UGT1A9: variants seen among roughly 807,000 people sequenced by gnomAD.
The protein encoded by UGT1A9 is UDP glucuronosyltransferase family 1 member A9, also known as UDP-glucuronosyltransferase 1A9.
Under a neutral mutation model 45.0 loss-of-function variants are expected in UGT1A9, and 35 were observed. The ratio of observed to expected loss-of-function variants is 0.78; its 90% CI spans 0.59 to 1.03. The LOEUF (loss-of-function observed/expected upper bound fraction) is 1.03, where lower values mean the gene tolerates loss of function less well. Ranked by LOEUF, UGT1A9 falls within the 50% of genes least tolerant of loss-of-function variation. UGT1A9 has a pLI of 0.00. For missense variants in UGT1A9, 687 were observed against 666.6 expected (o/e 1.03, Z -0.34); for synonymous variants, 278 against 250.6 (o/e 1.11, Z -1.03).
intron 1 of UGT1A9, chr2:233,690,798 C>T (rs1295946330): frequency 9.1e-7 from 1 of 1,097,034 alleles, no homozygotes; most frequent in South Asian, 2.3e-5. Context: ...CACACACACA[C>T]ACCATTCTTA....
intron 1 of UGT1A9, among the ~76,000 whole-genome samples, chr2:233,694,053 G>C (rs1403841501): frequency 6.6e-6 from 1 of 152,180 alleles, no homozygotes; most frequent in Admixed American, 6.5e-5. Context: ...AGAGGCATTC[G>C]GATGAAGACA....
At chr2:233,685,191 A>G (rs186817680) in intron 1 of UGT1A9, among the ~76,000 whole-genome samples, 6 of 152,148 alleles carry the variant, frequency 3.9e-5, no homozygotes, top group African/African-American at 1.4e-4. Flanking sequence ...AGAACATTAA[A>G]ACGGTTTTGT....
rs1040596623 is a variant in UGT1A9, at chr2:233,743,965, G to C, written c.856-23069G>C. ...CAGGCACTGGCACAGCGAGCGGCAA[G>C]GCTGCCAGCACCCAGGCGCAGGCCC... On this transcript the variant is annotated intron_variant, in intron 1 of 4. Transcript: ENST00000354728. 3 of 1,330,116 alleles carry C rather than the reference G, an allele frequency of 2.3e-6. No homozygotes were observed. The African/African-American group carries it at 4.5e-5, about 20-fold the overall frequency. 82.4% of individuals were successfully genotyped at this position (1,330,116 alleles called of 1,614,324 possible). A position where few individuals can be genotyped will look rare whatever the true frequency, so the allele number is the denominator to read the frequency against.
chr2:233,753,217 G>T (rs1387240791), intron 1 of UGT1A9: 10 of 152,116 alleles, frequency 6.6e-5, no homozygotes, highest in Admixed American at 6.5e-4. Flanking sequence ...GTCTTATTTT[G>T]ATACTTCTTG....
intron 1 of UGT1A9, chr2:233,693,024 C>T (rs866045701): frequency 1.2e-6 from 2 of 1,614,158 alleles, no homozygotes; most frequent in Non-Finnish European, 1.7e-6. Context: ...CTCCTTCGCT[C>T]ATTTCAGAGA....
chr2:233,738,197 T>A (rs1427013274), intron 1 of UGT1A9, among the ~76,000 whole-genome samples: 18 of 152,174 alleles, frequency 1.2e-4, no homozygotes, highest in Admixed American at 1.2e-3. Flanking sequence ...TGCCTCTCTC[T>A]CACTTTCTGC....
At chr2:233,753,773 C>G (rs1417094785) in intron 1 of UGT1A9, 1 of 152,234 alleles carries the variant, frequency 6.6e-6, no homozygotes, top group East Asian at 1.9e-4. Flanking sequence ...TTTGGAAACG[C>G]TTTTCTTTAC....
intron 1 of UGT1A9, among the ~76,000 whole-genome samples, chr2:233,701,179 T>C (rs961391364): frequency 6.6e-6 from 1 of 152,222 alleles, no homozygotes; most frequent in African/African-American, 2.4e-5. Context: ...GTTATAAACA[T>C]ACATGTGCAT....
chr2:233,758,652 G>A (rs1363541572), intron 1 of UGT1A9, among the ~76,000 whole-genome samples: 2 of 152,076 alleles, frequency 1.3e-5, no homozygotes, highest in Non-Finnish European at 2.9e-5. Context: ...GAATGAGAGG[G>A]TACCCTAATT....
At chr2:233,676,716 T>G (rs2074369037) in intron 1 of UGT1A9, among the ~76,000 whole-genome samples, 2 of 152,218 alleles carry the variant, frequency 1.3e-5, no homozygotes, top group South Asian at 4.1e-4. Flanking sequence ...AATGTCAGTG[T>G]GTGTTTTGCC....
At chr2:233,735,660 T>C (rs2078678346) in intron 1 of UGT1A9, among the ~76,000 whole-genome samples, 1 of 152,214 alleles carries the variant, frequency 6.6e-6, no homozygotes, top group South Asian at 2.1e-4. Flanking sequence ...GGTGTTTCTT[T>C]CCATGTTTAG....
At chr2:233,674,232 G>A (rs2074277572) in intron 1 of UGT1A9, among the ~76,000 whole-genome samples, 1 of 152,162 alleles carries the variant, frequency 6.6e-6, no homozygotes, top group Non-Finnish European at 1.5e-5. Flanking sequence ...ATGGGAAAGT[G>A]AAATAATGCT....
intron 1 of UGT1A9, among the ~76,000 whole-genome samples, chr2:233,694,153 A>T (rs1344933660): frequency 2.0e-5 from 3 of 152,202 alleles, no homozygotes; most frequent in African/African-American, 7.2e-5. Flanking sequence ...GAAATGTCCC[A>T]GTTCAAACAG....
In UGT1A9 at chr2:233,722,855, T is replaced by G. The variant is rs537122940; in HGVS notation, c.856-44179T>G. Among the ~76,000 whole-genome samples, 9 of 127,428 alleles carry G rather than the reference T, an allele frequency of 7.1e-5. No individual in the cohort carries two copies. The South Asian group carries it at 1.9e-3, about 27-fold the overall frequency. 83.6% of individuals were successfully genotyped at this position (127,428 alleles called of 152,430 possible). A position where few individuals can be genotyped will look rare whatever the true frequency, so the allele number is the denominator to read the frequency against. On this transcript the variant is annotated intron_variant, in intron 1 of 4. Coordinates refer to ENST00000354728, the MANE Select transcript of UGT1A9 (RefSeq NM_021027.3). ...ATAATAAGAATGTTTCTTTTTTTTTTTTTTGAAGGAAAAAATAAATTTATT... is the reference window on the plus strand; with the variant it reads ...ATAATAAGAATGTTTCTTTTTTTTTGTTTTGAAGGAAAAAATAAATTTATT...
At chr2:233,721,918 T>C in intron 1 of UGT1A9, 1 of 410,238 alleles carries the variant, frequency 2.4e-6, no homozygotes, top group Non-Finnish European at 4.9e-6. Flanking sequence ...ACTGCTTCCA[T>C]AAAGTGACAT....
chr2:233,719,433 A>G, intron 1 of UGT1A9: 1 of 1,613,974 alleles, frequency 6.2e-7, no homozygotes, highest in Non-Finnish European at 8.5e-7. Flanking sequence ...TTCAGACCAC[A>G]TGACATTCCT....
Position 233,728,434 on chromosome 2 carries a change from T to C in UGT1A9, c.856-38600T>C, listed in dbSNP as rs547972941. On this transcript the variant is annotated intron_variant, in intron 1 of 4. Transcript: ENST00000354728. ...GATAGCAGCACCTCTTCTTCCATGG[T>C]GTATATGGAGAATCCTCAACAAAGT... Among the ~76,000 whole-genome samples, 3 of 152,272 alleles carry C rather than the reference T, an allele frequency of 2.0e-5. No homozygotes were observed. In the East Asian group the frequency reaches 5.8e-4, roughly 29 times the overall value.
At chr2:233,760,916 T>G (rs1345834782) in intron 1 of UGT1A9, 6 of 1,614,048 alleles carry the variant, frequency 3.7e-6, no homozygotes, top group African/African-American at 2.7e-5. Flanking sequence ...CTGCAGCGGG[T>G]GAAGAACATG....
At chr2:233,677,327 G>A (rs972585847) in intron 1 of UGT1A9, among the ~76,000 whole-genome samples, 1 of 152,056 alleles carries the variant, frequency 6.6e-6, no homozygotes, top group East Asian at 1.9e-4. Context: ...TTCATTGCTA[G>A]TATAGTTGAC....
Sources: allele counts gnomAD v4.1 joint callset (sites outside exome capture counted in the v4.1 genomes callset), GRCh38; gene constraint gnomAD v4.1.1; transcripts MANE v1.5; gene names NCBI Gene and HGNC (gene_info 2026-07-23, HGNC 2026-07-21).